Variants in SLC4A4 observed in about 807,000 individuals in gnomAD.
SLC4A4 encodes solute carrier family 4 member 4, also known as electrogenic sodium bicarbonate cotransporter 1.
Under a neutral mutation model 111.5 loss-of-function variants are expected in SLC4A4, and 27 were observed. The observed-to-expected ratio is 0.24, with a 90% CI of 0.18 to 0.33. The LOEUF is 0.33. Among genes scored for constraint, SLC4A4 ranks in the 10% least tolerant of loss-of-function variants. The pLI, the probability that SLC4A4 is intolerant of heterozygous loss-of-function variation, is 1.00. For synonymous variants in SLC4A4, 443 were observed against 463.4 expected (o/e 0.96, Z 0.57); for missense variants, 909 against 1,315.5 (o/e 0.69, Z 4.78).
At chr4:71,149,542 G>A (rs1471670127) in intron 2 of SLC4A4, among the ~76,000 whole-genome samples, 3 of 152,174 alleles carry the variant, frequency 2.0e-5, no homozygotes, top group Non-Finnish European at 4.4e-5. Flanking sequence ...ACTTTCAGGT[G>A]TGAGCAAGAA....
At chr4:71,275,155 T>A (rs575307745) in intron 3 of SLC4A4, among the ~76,000 whole-genome samples, 2 of 152,186 alleles carry the variant, frequency 1.3e-5, no homozygotes, top group African/African-American at 4.8e-5. Context: ...CCCAAAGGAC[T>A]CAGGCACAGG....
At chr4:71,250,842 C>T (rs1190352613) in intron 2 of SLC4A4, among the ~76,000 whole-genome samples, 5 of 152,164 alleles carry the variant, frequency 3.3e-5, no homozygotes, top group Non-Finnish European at 7.3e-5. Context: ...AGACATATTT[C>T]TCCTGTGGGG....
chr4:71,519,590 A>ATAC (rs1732742742), intron 16 of SLC4A4, among the ~76,000 whole-genome samples: 1 of 152,204 alleles, frequency 6.6e-6, no homozygotes, highest in Non-Finnish European at 1.5e-5. Flanking sequence ...ATTTACAGCT[A>ATAC]AGTAATAATA....
intron 7 of SLC4A4, among the ~76,000 whole-genome samples, 176 bp downstream of exon 7, chr4:71,397,829 G>A (rs1191884055): frequency 2.0e-5 from 3 of 152,170 alleles, no homozygotes; most frequent in Non-Finnish European, 4.4e-5. Flanking sequence ...GGAATCAGAA[G>A]GGAAAAATGT....
At chr4:71,203,935 T>G (rs1238098885) in intron 1 of SLC4A4, among the ~76,000 whole-genome samples, 9 of 152,198 alleles carry the variant, frequency 5.9e-5, no homozygotes, top group Non-Finnish European at 7.4e-5. Flanking sequence ...ATTATGTAAT[T>G]TAAGTAAAAG....
At chr4:71,504,624 C>A (rs543564303) in intron 16 of SLC4A4, among the ~76,000 whole-genome samples, 1 of 132,458 alleles carries the variant, frequency 7.5e-6, no homozygotes, top group African/African-American at 2.6e-5. Flanking sequence ...TATAAATATT[C>A]TTTTTTTGGA....
At chr4:71,158,623 G>A (rs778231392) in intron 2 of SLC4A4, among the ~76,000 whole-genome samples, 4 of 152,138 alleles carry the variant, frequency 2.6e-5, no homozygotes, top group Non-Finnish European at 5.9e-5. Context: ...GCAATGAGCC[G>A]AAAAAGGAAT....
At chr4:71,291,330 A>G (rs1724330687) in intron 3 of SLC4A4, among the ~76,000 whole-genome samples, 1 of 152,254 alleles carries the variant, frequency 6.6e-6, no homozygotes, top group Admixed American at 6.5e-5. Context: ...AAAGTATAAT[A>G]ATAATAAAAT....
rs370449192 is a variant in SLC4A4 at position 71,424,091 on chromosome 4, T to A, written c.808-16525T>A. On this transcript the variant is annotated intron_variant, in intron 7 of 25. Transcript: ENST00000264485. Reference sequence around the variant, plus strand: ...GGGGGAAAATTTTCGCAACCTACTCTTCTGACAAAGGGCTAATATCCAGAA... The same window carrying A: ...GGGGGAAAATTTTCGCAACCTACTCATCTGACAAAGGGCTAATATCCAGAA... Among the ~76,000 whole-genome samples the A allele has an allele frequency of 4.6e-5, 7 of 152,046 alleles. 1 individual carries two copies. The highest frequency in any genetic ancestry group is 1.9e-4 in the East Asian group (1 of 5,190).
At chr4:71,553,222 C>A (rs1370941611) in intron 20 of SLC4A4, among the ~76,000 whole-genome samples, 2 of 151,860 alleles carry the variant, frequency 1.3e-5, no homozygotes, top group African/African-American at 4.8e-5. Flanking sequence ...AAAACATCTT[C>A]ATATCTAAAG....
chr4:71,094,375 G>T (rs1416467267), intron 2 of SLC4A4, among the ~76,000 whole-genome samples: 2 of 152,180 alleles, frequency 1.3e-5, no homozygotes, highest in African/African-American at 4.8e-5. Flanking sequence ...GGCATGTACA[G>T]ATCCTTTTCC....
intron 2 of SLC4A4, among the ~76,000 whole-genome samples, chr4:71,249,490 T>C (rs1439238252): frequency 2.6e-5 from 4 of 152,288 alleles, no homozygotes; most frequent in African/African-American, 9.6e-5. Context: ...TTTCTTCTCA[T>C]GAGCTGGTAT....
At chr4:71,211,965 A>G (rs1718160144) in intron 1 of SLC4A4, among the ~76,000 whole-genome samples, 1 of 152,244 alleles carries the variant, frequency 6.6e-6, no homozygotes, top group Non-Finnish European at 1.5e-5. Flanking sequence ...AAGATTTACA[A>G]CCAAATTCAC....
intron 3 of SLC4A4, among the ~76,000 whole-genome samples, chr4:71,298,563 C>G (rs946391893): frequency 6.6e-6 from 1 of 152,186 alleles, no homozygotes; most frequent in Admixed American, 6.5e-5. Context: ...GTATTCCACA[C>G]TTTTCAGAGA....
chr4:71,141,283 T>G (rs1370530453), intron 2 of SLC4A4, among the ~76,000 whole-genome samples: 7 of 152,198 alleles, frequency 4.6e-5, no homozygotes, highest in Non-Finnish European at 8.8e-5. Context: ...AGTATGATCT[T>G]ATAGCCACAG....
chr4:71,136,563 G>T (rs1037437805), intron 2 of SLC4A4, among the ~76,000 whole-genome samples: 2 of 152,102 alleles, frequency 1.3e-5, no homozygotes, highest in Admixed American at 1.3e-4. Context: ...ACTCAGTTAT[G>T]GTTTTATAAT....
At chr4:71,388,961 A>G (rs1719013130) in intron 6 of SLC4A4, among the ~76,000 whole-genome samples, 1 of 152,216 alleles carries the variant, frequency 6.6e-6, no homozygotes, top group Non-Finnish European at 1.5e-5. Flanking sequence ...ATTGGAAAGA[A>G]TTAGAAGCGG....
At chr4:71,479,121 G>A (rs1728637446) in intron 14 of SLC4A4, among the ~76,000 whole-genome samples, 1 of 151,670 alleles carries the variant, frequency 6.6e-6, no homozygotes, top group Admixed American at 6.6e-5. Flanking sequence ...TAACAAAAGG[G>A]ATATATTTTA....
At chr4:71,277,588 C>T (rs912733546) in intron 3 of SLC4A4, among the ~76,000 whole-genome samples, 1 of 146,134 alleles carries the variant, frequency 6.8e-6, no homozygotes, top group Non-Finnish European at 1.5e-5. Flanking sequence ...TTCCTTCCTT[C>T]TTTCTTTCTC....
Sources: allele counts gnomAD v4.1 joint callset (sites outside exome capture counted in the v4.1 genomes callset), GRCh38; gene constraint gnomAD v4.1.1; transcripts MANE v1.5; gene names NCBI Gene and HGNC (gene_info 2026-07-23, HGNC 2026-07-21).